The following DOK6 variants were observed in gnomAD, a reference collection of about 807,000 sequenced individuals.
The protein encoded by DOK6 is docking protein 6.
Under a neutral mutation model 44.0 loss-of-function variants are expected in DOK6, and 22 were observed. The observed-to-expected ratio is 0.50, with a 90% CI of 0.36 to 0.71. The LOEUF is 0.71. Among genes scored for constraint, DOK6 ranks in the 30% least tolerant of loss-of-function variants. DOK6 has a pLI of 0.00. For missense variants in DOK6, 340 were observed against 416.4 expected (o/e 0.82, Z 1.60); for synonymous variants, 166 against 145.5 (o/e 1.14, Z -1.01).
intron 6 of DOK6, among the ~76,000 whole-genome samples, chr18:69,744,925 T>TG (rs759968762): frequency 2.2e-5 from 2 of 89,808 alleles, no homozygotes; most frequent in African/African-American, 4.7e-5. Flanking sequence ...ACACTCCATC[T>TG]AAAAAAAAAA....
chr18:69,788,975 G>A (rs1012840925), intron 7 of DOK6, among the ~76,000 whole-genome samples: 17 of 152,124 alleles, frequency 1.1e-4, no homozygotes, highest in African/African-American at 4.1e-4. Flanking sequence ...TAACAAGGTT[G>A]GTATTCCCAA....
intron 7 of DOK6, among the ~76,000 whole-genome samples, chr18:69,788,539 G>A (rs1448787996): frequency 6.6e-6 from 1 of 152,188 alleles, no homozygotes; most frequent in Admixed American, 6.5e-5. Flanking sequence ...CCAACATTAA[G>A]GTAATGTTAA....
intron 7 of DOK6, among the ~76,000 whole-genome samples, chr18:69,827,060 A>G (rs1981761416): frequency 6.6e-6 from 1 of 152,176 alleles, no homozygotes; most frequent in Non-Finnish European, 1.5e-5. Context: ...ATAAATTGTT[A>G]CTCATCAGAT....
intron 1 of DOK6, among the ~76,000 whole-genome samples, chr18:69,555,502 C>T (rs768099401): frequency 6.6e-6 from 1 of 152,094 alleles, no homozygotes; most frequent in Non-Finnish European, 1.5e-5. Context: ...ATTAAAAAGT[C>T]TTTTTCCATT....
chr18:69,702,385 A>G (rs1986542723), intron 5 of DOK6, among the ~76,000 whole-genome samples: 1 of 152,194 alleles, frequency 6.6e-6, no homozygotes, highest in Admixed American at 6.5e-5. Flanking sequence ...TGACTGAAAC[A>G]TTGAAGAGTT....
intron 1 of DOK6, among the ~76,000 whole-genome samples, chr18:69,408,893 A>G (rs1453218512): frequency 6.6e-6 from 1 of 152,158 alleles, no homozygotes; most frequent in African/African-American, 2.4e-5. Context: ...AAAAACTATT[A>G]ATTTTTTAAG....
At chr18:69,455,460 C>T (rs907549239) in intron 1 of DOK6, among the ~76,000 whole-genome samples, 2 of 152,170 alleles carry the variant, frequency 1.3e-5, no homozygotes, top group African/African-American at 4.8e-5. Flanking sequence ...ATAAAGTGAA[C>T]ATTGACTCAA....
At chr18:69,838,839 C>A (rs568435623) in intron 7 of DOK6, among the ~76,000 whole-genome samples, 10 of 149,892 alleles carry the variant, frequency 6.7e-5, no homozygotes, top group African/African-American at 2.2e-4. Context: ...AACTCCTCCC[C>A]TAGTTCCTCC....
intron 7 of DOK6, among the ~76,000 whole-genome samples, chr18:69,815,382 C>G (rs889172145): frequency 6.6e-6 from 1 of 152,136 alleles, no homozygotes; most frequent in African/African-American, 2.4e-5. Flanking sequence ...TGATTTGGAA[C>G]TCATCAGAGG....
intron 6 of DOK6, among the ~76,000 whole-genome samples, chr18:69,752,596 G>A (rs1305324777): frequency 6.6e-6 from 1 of 152,126 alleles, no homozygotes; most frequent in Non-Finnish European, 1.5e-5. Flanking sequence ...TTCAATGAAG[G>A]AACTTTAATA....
chr18:69,840,480 A>G (rs1031411121), intron 7 of DOK6, among the ~76,000 whole-genome samples: 4 of 152,352 alleles, frequency 2.6e-5, no homozygotes, highest in Non-Finnish European at 4.4e-5. Context: ...GTTTCTCTGT[A>G]CATTGTTAGC....
intron 1 of DOK6, among the ~76,000 whole-genome samples, chr18:69,446,547 T>C (rs1225977151): frequency 6.6e-6 from 1 of 152,150 alleles, no homozygotes; most frequent in Non-Finnish European, 1.5e-5. Context: ...AGCAGCATGA[T>C]TTATAATCCT....
intron 7 of DOK6, among the ~76,000 whole-genome samples, chr18:69,785,654 G>A (rs1037598725): frequency 1.1e-4 from 17 of 151,956 alleles, no homozygotes; most frequent in South Asian, 2.1e-4. Flanking sequence ...TTTTTGTTCC[G>A]TTGCCAGATT....
chr18:69,716,388 A>G (rs1000038887), intron 5 of DOK6, among the ~76,000 whole-genome samples: 2 of 152,240 alleles, frequency 1.3e-5, no homozygotes, highest in African/African-American at 4.8e-5. Context: ...TTTAAGCATA[A>G]TTAAAAGTGG....
At chr18:69,701,024 A>G (rs956860189) in intron 5 of DOK6, among the ~76,000 whole-genome samples, 2 of 152,252 alleles carry the variant, frequency 1.3e-5, no homozygotes, top group Admixed American at 6.5e-5. Flanking sequence ...TGAAAATAAT[A>G]CAATTGGATA....
At chr18:69,527,669 C>A (rs1981868742) in intron 1 of DOK6, among the ~76,000 whole-genome samples, 1 of 152,164 alleles carries the variant, frequency 6.6e-6, no homozygotes, top group Non-Finnish European at 1.5e-5. Flanking sequence ...AATATACATA[C>A]TTTCCACTGA....
intron 5 of DOK6, among the ~76,000 whole-genome samples, chr18:69,721,991 C>CT (rs574799256): frequency 2.4e-4 from 37 of 152,328 alleles, no homozygotes; most frequent in African/African-American, 8.9e-4. Flanking sequence ...CAAAGTGTCA[C>CT]TTCCAGAGTT....
At chr18:69,764,860 G>A (rs1979670475) in intron 7 of DOK6, among the ~76,000 whole-genome samples, 1 of 152,050 alleles carries the variant, frequency 6.6e-6, no homozygotes, top group Non-Finnish European at 1.5e-5. Flanking sequence ...TCTGCTTTCA[G>A]TAACACTGAT....
chr18:69,571,422 T>A (rs904122284), intron 2 of DOK6, among the ~76,000 whole-genome samples: 3 of 152,000 alleles, frequency 2.0e-5, no homozygotes, highest in African/African-American at 7.2e-5. Flanking sequence ...TTAGTAAACA[T>A]TCCAATTAAA....
Sources: allele counts gnomAD v4.1 joint callset (sites outside exome capture counted in the v4.1 genomes callset), GRCh38; gene constraint gnomAD v4.1.1; transcripts MANE v1.5; gene names NCBI Gene and HGNC (gene_info 2026-07-23, HGNC 2026-07-21).